PCDHGA12: variants seen among roughly 807,000 people sequenced by gnomAD.
The protein encoded by PCDHGA12 is protocadherin gamma-A12.
A neutral mutation model predicts 61.1 loss-of-function variants in PCDHGA12; 43 were observed. The ratio of observed to expected loss-of-function variants is 0.70; its 90% CI spans 0.55 to 0.91. The LOEUF (loss-of-function observed/expected upper bound fraction) is 0.91, where lower values mean the gene tolerates loss of function less well. Among genes scored for constraint, PCDHGA12 ranks in the 40% least tolerant of loss-of-function variants. The probability of loss-of-function intolerance (pLI) is 0.00; values close to 1 mark genes in which losing one functional copy is unlikely to be tolerated. For synonymous variants in PCDHGA12, 520 were observed against 542.9 expected, an observed-to-expected ratio of 0.96 and a Z score of 0.59; for missense variants, 1,236 against 1,227.7, an observed-to-expected ratio of 1.01 and a Z score of -0.10.
chr5:141,504,728 G>A (rs978910481), intron 2 of PCDHGA12, among the ~76,000 whole-genome samples: 5 of 151,522 alleles, frequency 3.3e-5, no homozygotes, highest in African/African-American at 9.7e-5. Context: ...TACTCTGAGG[G>A]CTTAGGAAGC....
chr5:141,467,912 G>A (rs879405529), intron 1 of PCDHGA12, among the ~76,000 whole-genome samples: 1 of 152,086 alleles, frequency 6.6e-6, no homozygotes, highest in Admixed American at 6.6e-5. Context: ...GCCCACCTCA[G>A]CCTCCCAAAA....
intron 1 of PCDHGA12, among the ~76,000 whole-genome samples, chr5:141,460,672 TATATCTATATA>T (rs2098995194): frequency 6.6e-6 from 1 of 152,086 alleles, no homozygotes; most frequent in Admixed American, 6.6e-5. Flanking sequence ...AACACAGTTA[TATATCTATATA>T]TCCACCAACA....
intron 3 of PCDHGA12, 133 bp downstream of exon 3, chr5:141,505,614 AC>A: frequency 6.6e-7 from 1 of 1,510,758 alleles, no homozygotes; most frequent in Non-Finnish European, 8.9e-7. Flanking sequence ...GTCTGAAAGG[AC>A]CCACAATTCC....
chr5:141,482,350 G>A lies in PCDHGA12; in HGVS notation c.2425-12457G>A, dbSNP rs184055854. ...AGAATATCTACTTTGCAAACTTGTT[G>A]TGAGAGTGAAAAGTAATGCATATAA... On this transcript the variant is annotated intron_variant, in intron 1 of 3. Coordinates refer to ENST00000252085, the MANE Select transcript of PCDHGA12 (RefSeq NM_003735.3). Among the ~76,000 whole-genome samples the A allele has an allele frequency of 5.3e-5, 8 of 152,200 alleles. No individual in the cohort carries two copies. In the East Asian group the frequency reaches 1.4e-3, roughly 26 times the overall value.
intron 1 of PCDHGA12, among the ~76,000 whole-genome samples, chr5:141,457,517 TTAA>T (rs1261688593): frequency 6.6e-6 from 1 of 152,196 alleles, no homozygotes; most frequent in Non-Finnish European, 1.5e-5. Flanking sequence ...TTAAAAACAA[TTAA>T]TGAGACTAGG....
rs1280923293 is a variant in PCDHGA12 at position 141,478,837 on chromosome 5, G to A, written c.2425-15970G>A. ...AACTAACCAATCTTGCTAAGGGATG[G>A]TTAAGCTAAAACACAAGATCTCAGC... is the stretch of plus-strand genomic sequence containing the variant. On this transcript the variant is annotated intron_variant, in intron 1 of 3. Transcript: ENST00000252085. 3.5e-6 allele frequency: 5 copies of A among 1,428,112 alleles called. No homozygotes were observed. The African/African-American group carries it at 5.8e-5, about 16-fold the overall frequency. The allele number at this position is 1,428,112 out of a possible 1,614,324, so 88.5% of individuals were successfully genotyped here.
chr5:141,503,912 A>AAC (rs34419983), intron 2 of PCDHGA12, among the ~76,000 whole-genome samples: 3 of 152,280 alleles, frequency 2.0e-5, no homozygotes, highest in East Asian at 3.9e-4. Context: ...CACACAACGC[A>AAC]ACACACACAC....
Position 141,432,602 on chromosome 5 carries a change from G to A in PCDHGA12, c.1843G>A (p.Gly615Arg). The A allele has an allele frequency of 6.2e-7, 1 of 1,613,966 alleles. No homozygotes were observed. Among genetic ancestry groups the A allele is most frequent in the Non-Finnish European group, 8.5e-7 (1 of 1,179,972 alleles). The change falls in exon 1 of 4, where the codon GGA becomes AGA. Residue 615 changes from glycine (G) to arginine (R), a missense_variant. Transcript: ENST00000252085. This position sits in a 1 kb window ranked among gnomAD's most constrained non-coding sequence, Gnocchi z 6.0. ...CCGTCTGCTCAAGGCCAGCGAGCCG[G>A]GACTCTTCTCGGTGGGTCTGCACAC... ...SYRLLKASEP[G>R]LFSVGLHTGE...
Position 141,486,955 on chromosome 5 carries a change from T to A in PCDHGA12, c.2425-7852T>A, listed in dbSNP as rs1459820579. 1.9e-6 allele frequency: 3 copies of A among 1,614,128 alleles called. No individual in the cohort carries two copies. The highest frequency in any genetic ancestry group is 2.5e-6 in the Non-Finnish European group (3 of 1,180,048). ...CTGGCCACCTAATCACAAAGGTGACTGCTGTGGACTTGGATTCAGGTTACA... is the reference window on the plus strand; with the variant it reads ...CTGGCCACCTAATCACAAAGGTGACAGCTGTGGACTTGGATTCAGGTTACA... On this transcript the variant is annotated intron_variant, in intron 1 of 3. Coordinates refer to ENST00000252085, the MANE Select transcript of PCDHGA12 (RefSeq NM_003735.3). This position sits in a 1 kb window ranked among gnomAD's most constrained non-coding sequence, Gnocchi z 5.0.
chr5:141,432,681 G>A lies in PCDHGA12; in HGVS notation c.1922G>A (p.Ser641Asn), dbSNP rs147073234. 2.4e-3 allele frequency: 3,845 copies of A among 1,613,930 alleles called. 12 individuals carry two copies. Among genetic ancestry groups the A allele is most frequent in the Admixed American group, 6.0e-3 (358 of 60,016 alleles). Residue 641 changes from serine to asparagine, a missense_variant, in exon 1 of 4, where the codon AGC becomes AAC. Physicochemically the swap from Ser to Asn is conservative, Grantham distance 46 (BLOSUM62 1). Coordinates refer to ENST00000252085, the MANE Select transcript of PCDHGA12 (RefSeq NM_003735.3). This position sits in a 1 kb window ranked among gnomAD's most constrained non-coding sequence, Gnocchi z 6.0. Reference sequence around the variant, plus strand: ...CTGGACAGAGACGCGCTCAAGCAGAGCCTCGTAGTGGCCGTCCAGGACCAC... The same window carrying A: ...CTGGACAGAGACGCGCTCAAGCAGAACCTCGTAGTGGCCGTCCAGGACCAC... ...ALLDRDALKQ[S>N]LVVAVQDHGQ...
chr5:141,505,041 C>T (rs1028101225), intron 2 of PCDHGA12, among the ~76,000 whole-genome samples: 4 of 152,142 alleles, frequency 2.6e-5, no homozygotes, highest in African/African-American at 9.7e-5. Flanking sequence ...AGGTGCCTGT[C>T]ATCCCAGCTA....
At chr5:141,492,606 C>G (rs1019615566) in intron 1 of PCDHGA12, among the ~76,000 whole-genome samples, 3 of 152,232 alleles carry the variant, frequency 2.0e-5, no homozygotes, top group African/African-American at 7.2e-5. Flanking sequence ...GACTGCCGCT[C>G]TAAGTGCCGG....
chr5:141,468,899 T>C (rs1051519139), intron 1 of PCDHGA12, among the ~76,000 whole-genome samples: 2 of 151,550 alleles, frequency 1.3e-5, no homozygotes, highest in Non-Finnish European at 2.9e-5. Flanking sequence ...GGTACTAATA[T>C]GATCCAGACT....
chr5:141,448,903 C>A (rs1460471063), intron 1 of PCDHGA12, among the ~76,000 whole-genome samples: 2 of 152,112 alleles, frequency 1.3e-5, no homozygotes, highest in Non-Finnish European at 2.9e-5. Context: ...CGAGATCGTG[C>A]CACTGCACTC....
Position 141,505,350 on chromosome 5 carries a change from G to A in PCDHGA12, c.2484-43G>A, listed in dbSNP as rs367663588. ...AGAGGACAGGAGGGGCATGAGCTGT[G>A]CCGGCCTGGGAGTCTGTGCTCACCA... On this transcript the variant is annotated intron_variant, in intron 2 of 3. Transcript: ENST00000252085. The A allele has an allele frequency of 4.3e-6, 7 of 1,613,264 alleles. No homozygotes were observed. In the African/African-American group the frequency reaches 6.7e-5, roughly 15 times the overall value.
rs1345498022 is a variant in PCDHGA12 at position 141,493,312 on chromosome 5, A to G, written c.2425-1495A>G. On this transcript the variant is annotated intron_variant, in intron 1 of 3. Coordinates refer to ENST00000252085, the MANE Select transcript of PCDHGA12 (RefSeq NM_003735.3). This position sits in a 1 kb window ranked among gnomAD's most constrained non-coding sequence, Gnocchi z 4.3. ...CTCAAGTTCACAGAGCAAGTAAGAG[A>G]GATTCTAACCCCTGTCTAACTCCAG... 6.6e-6 allele frequency among the ~76,000 whole-genome samples: 1 copy of G among 152,174 alleles called. No individual in the cohort carries two copies. Among genetic ancestry groups the G allele is most frequent in the Non-Finnish European group, 1.5e-5 (1 of 68,028 alleles).
chr5:141,452,165 C>T (rs917431071), intron 1 of PCDHGA12, among the ~76,000 whole-genome samples: 2 of 152,120 alleles, frequency 1.3e-5, no homozygotes, highest in African/African-American at 4.8e-5. Flanking sequence ...TATTCTATTA[C>T]TAACATTTTT....
At position 141,477,056 on chromosome 5, in the gene PCDHGA12, G is replaced by T; in HGVS notation, c.2425-17751G>T. 6.2e-7 allele frequency: 1 copy of T among 1,614,242 alleles called. No homozygotes were observed. The highest frequency in any genetic ancestry group is 8.5e-7 in the Non-Finnish European group (1 of 1,180,046). Reference sequence around the variant, plus strand: ...AATCAAGGGTCGGCTGGACTTCGAGGACACCAAACTCCATGAGATTTACAT... The same window carrying T: ...AATCAAGGGTCGGCTGGACTTCGAGTACACCAAACTCCATGAGATTTACAT... On this transcript the variant is annotated intron_variant, in intron 1 of 3. Coordinates refer to ENST00000252085, the MANE Select transcript of PCDHGA12 (RefSeq NM_003735.3). This position sits in a 1 kb window ranked among gnomAD's most constrained non-coding sequence, Gnocchi z 4.9.
chr5:141,506,061 G>A (rs1260513343), intron 3 of PCDHGA12, among the ~76,000 whole-genome samples: 2 of 152,144 alleles, frequency 1.3e-5, no homozygotes, highest in Non-Finnish European at 2.9e-5. Flanking sequence ...GGTTGACTAA[G>A]GGCTTCCTTT....
Sources: gnomAD v4.1 joint callset for allele counts (sites outside exome capture counted in the v4.1 genomes callset) on GRCh38, gnomAD v4.1.1 for gene constraint, Gnocchi (gnomAD v3.1) non-coding constraint, MANE v1.5 for transcripts, NCBI Gene and HGNC (gene_info 2026-07-23, HGNC 2026-07-21) for gene names.